CDK14: variants seen among roughly 807,000 people sequenced by gnomAD.
The protein encoded by CDK14 is cyclin-dependent kinase 14.
In CDK14, 34 loss-of-function variants were observed where a neutral mutation model predicts 60.7. That is an observed-to-expected ratio of 0.56 (90% CI 0.43 to 0.75). The LOEUF (loss-of-function observed/expected upper bound fraction) is 0.75. Ranked by LOEUF, CDK14 falls within the 30% of genes least tolerant of loss-of-function variation. CDK14 has a pLI of 0.00. For missense variants in CDK14, 482 were observed against 564.1 expected (o/e 0.85, Z 1.47); for synonymous variants, 197 against 203.7 (o/e 0.97, Z 0.28).
At chr7:90,651,469 A>C (rs1191412179) in intron 2 of CDK14, among the ~76,000 whole-genome samples, 1 of 152,092 alleles carries the variant, frequency 6.6e-6, no homozygotes, top group Non-Finnish European at 1.5e-5. Context: ...AGCAGTTACT[A>C]ATATTGGGGT....
intron 5 of CDK14, among the ~76,000 whole-genome samples, chr7:90,831,184 C>A (rs1194181228): frequency 6.6e-6 from 1 of 152,118 alleles, no homozygotes; most frequent in African/African-American, 2.4e-5. Context: ...TAAATAACTA[C>A]CTGAGACTTG....
At chr7:91,024,763 A>G (rs1038704259) in intron 10 of CDK14, among the ~76,000 whole-genome samples, 5 of 152,230 alleles carry the variant, frequency 3.3e-5, no homozygotes, top group African/African-American at 1.2e-4. Context: ...TAAGTGGCAG[A>G]CCTGGACCCA....
intron 5 of CDK14, among the ~76,000 whole-genome samples, chr7:90,798,673 C>T (rs1411965139): frequency 2.0e-5 from 3 of 152,142 alleles, no homozygotes; most frequent in Admixed American, 6.5e-5. Context: ...GATTTTAGGG[C>T]GTAATTTTCA....
At chr7:90,657,484 G>C (rs1190749279) in intron 2 of CDK14, among the ~76,000 whole-genome samples, 1 of 152,056 alleles carries the variant, frequency 6.6e-6, no homozygotes, top group African/African-American at 2.4e-5. Flanking sequence ...TAGTTTTCTG[G>C]CATAGTGTTG....
chr7:90,689,729 C>T (rs1432093898), intron 2 of CDK14, among the ~76,000 whole-genome samples: 1 of 152,094 alleles, frequency 6.6e-6, no homozygotes, highest in Non-Finnish European at 1.5e-5. Flanking sequence ...TTCCATAATC[C>T]TATATCTTTC....
chr7:90,660,261 A>G (rs1420874485), intron 2 of CDK14, among the ~76,000 whole-genome samples: 2 of 152,126 alleles, frequency 1.3e-5, no homozygotes, highest in Non-Finnish European at 2.9e-5. Context: ...TAATTCTACA[A>G]TTTGCTAAAT....
intron 6 of CDK14, among the ~76,000 whole-genome samples, chr7:90,888,001 T>C (rs1047444690): frequency 2.0e-5 from 3 of 152,176 alleles, no homozygotes; most frequent in Admixed American, 1.3e-4. Context: ...GGTAACCAAA[T>C]TAACAAATTG....
At chr7:90,642,006 C>G (rs1040542229) in intron 2 of CDK14, among the ~76,000 whole-genome samples, 1 of 152,110 alleles carries the variant, frequency 6.6e-6, no homozygotes, top group Non-Finnish European at 1.5e-5. Flanking sequence ...ATGAGAACAG[C>G]AAGGGAAAAA....
chr7:90,673,625 T>C (rs1801142546), intron 2 of CDK14, among the ~76,000 whole-genome samples: 1 of 152,220 alleles, frequency 6.6e-6, no homozygotes, highest in African/African-American at 2.4e-5. Flanking sequence ...TTGTTAACAG[T>C]ATTTTTTCTA....
At chr7:90,885,802 A>G (rs1193021569) in intron 6 of CDK14, among the ~76,000 whole-genome samples, 1 of 152,160 alleles carries the variant, frequency 6.6e-6, no homozygotes, top group African/African-American at 2.4e-5. Flanking sequence ...ATTCTCAGCA[A>G]TCACAGGAAC....
intron 4 of CDK14, among the ~76,000 whole-genome samples, chr7:90,789,214 TCATA>T (rs1388010115): frequency 1.3e-5 from 2 of 152,184 alleles, no homozygotes; most frequent in Non-Finnish European, 2.9e-5. Flanking sequence ...TATGCTATAC[TCATA>T]CATAAGAACA....
intron 8 of CDK14, among the ~76,000 whole-genome samples, chr7:90,951,375 G>C (rs1295380236): frequency 6.6e-6 from 1 of 152,112 alleles, no homozygotes; most frequent in Non-Finnish European, 1.5e-5. Flanking sequence ...CCATTTTCTG[G>C]AATGACTCTG....
At chr7:91,140,919 G>GA (rs200960036) in intron 14 of CDK14, among the ~76,000 whole-genome samples, 115 of 148,948 alleles carry the variant, frequency 7.7e-4, no homozygotes, top group East Asian at 2.3e-3. Flanking sequence ...TACCTAAAAT[G>GA]AAAAAAAAAA....
chr7:91,053,018 T>A (rs1341160007), intron 11 of CDK14, among the ~76,000 whole-genome samples: 1 of 151,680 alleles, frequency 6.6e-6, no homozygotes, highest in East Asian at 1.9e-4. Flanking sequence ...AAAAAAGCCG[T>A]CTCTTTAAGT....
chr7:90,786,815 A>G (rs1348440478), intron 4 of CDK14, among the ~76,000 whole-genome samples: 1 of 149,414 alleles, frequency 6.7e-6, no homozygotes, highest in East Asian at 2.0e-4. Context: ...GCTACTCTGG[A>G]GGCTGAGGTA....
In CDK14 at chr7:91,057,236, G is replaced by A. The variant is rs568580071; in HGVS notation, c.1105+11276G>A. ...TGAGAAGTGTCTGTTCATATCCTTC[G>A]CCCACTTGTTGATGGGGTTGTTTTT... On this transcript the variant is annotated intron_variant, in intron 11 of 14. Transcript: ENST00000380050. 1.7e-3 allele frequency among the ~76,000 whole-genome samples: 264 copies of A among 152,154 alleles called. 1 individual carries two copies. Among genetic ancestry groups the A allele is most frequent in the African/African-American group, 5.6e-3 (232 of 41,490 alleles).
chr7:90,632,091 C>G (rs944569730), intron 2 of CDK14: 5 of 153,814 alleles, frequency 3.3e-5, no homozygotes, highest in African/African-American at 1.2e-4. Context: ...CAGTTATAAT[C>G]CATCTTCTCT....
intron 8 of CDK14, among the ~76,000 whole-genome samples, chr7:90,920,804 G>T (rs1414978371): frequency 6.6e-6 from 1 of 152,200 alleles, no homozygotes; most frequent in African/African-American, 2.4e-5. Context: ...GACTAATTCA[G>T]TAGTAATGAG....
At chr7:91,197,824 G>T (rs1802594183) in intron 14 of CDK14, among the ~76,000 whole-genome samples, 1 of 152,322 alleles carries the variant, frequency 6.6e-6, no homozygotes, top group South Asian at 2.1e-4. Flanking sequence ...TGCTATGGTG[G>T]GATAACTAGT....
Sources: allele counts gnomAD v4.1 joint callset (sites outside exome capture counted in the v4.1 genomes callset), GRCh38; gene constraint gnomAD v4.1.1; transcripts MANE v1.5; gene names NCBI Gene and HGNC (gene_info 2026-07-23, HGNC 2026-07-21).